The following ANK3 variants were observed in gnomAD, a reference collection of about 807,000 sequenced individuals.
ANK3 encodes the protein ankyrin-3.
In ANK3, 57 loss-of-function variants were observed where a neutral mutation model predicts 370.9. The observed-to-expected ratio is 0.15, with a 90% CI of 0.12 to 0.19. The LOEUF is 0.19. ANK3 is among the 10% of genes least tolerant of loss of function. The pLI, the probability that ANK3 is intolerant of heterozygous loss-of-function variation, is 1.00. For missense variants in ANK3, 4,439 were observed against 5,302.1 expected, an observed-to-expected ratio of 0.84 and a Z score of 5.06; for synonymous variants, 1,929 against 1,946.3, an observed-to-expected ratio of 0.99 and a Z score of 0.23.
At chr10:60,450,098 A>G (rs1284036019) in intron 2 of ANK3, among the ~76,000 whole-genome samples, 1 of 152,120 alleles carries the variant, frequency 6.6e-6, no homozygotes, top group Non-Finnish European at 1.5e-5. Flanking sequence ...GAAGTTCAAG[A>G]CCAGCCTGGG....
intron 2 of ANK3, among the ~76,000 whole-genome samples, chr10:60,548,916 C>T (rs1187441168): frequency 5.9e-5 from 9 of 152,058 alleles, no homozygotes; most frequent in Admixed American, 5.9e-4. Flanking sequence ...ACAGCTTCTG[C>T]TCACTTAATC....
intron 1 of ANK3, among the ~76,000 whole-genome samples, chr10:60,699,894 A>T (rs1176502334): frequency 6.6e-6 from 1 of 152,200 alleles, no homozygotes; most frequent in Non-Finnish European, 1.5e-5. Flanking sequence ...CAACTGTTTA[A>T]ATTCGTGATA....
At chr10:60,423,242 G>A (rs940458061) in intron 2 of ANK3, among the ~76,000 whole-genome samples, 1 of 152,074 alleles carries the variant, frequency 6.6e-6, no homozygotes, top group Admixed American at 6.6e-5. Context: ...AAACTTGCTT[G>A]TGGTCTATTT....
At chr10:60,487,784 G>A (rs1488206405) in intron 2 of ANK3, among the ~76,000 whole-genome samples, 4 of 150,384 alleles carry the variant, frequency 2.7e-5, no homozygotes, top group Non-Finnish European at 5.9e-5. Flanking sequence ...GCGCGATCTC[G>A]GCTCACCACA....
At chr10:60,709,944 A>T (rs894709604) in intron 1 of ANK3, among the ~76,000 whole-genome samples, 1 of 152,210 alleles carries the variant, frequency 6.6e-6, no homozygotes, top group Middle Eastern at 3.2e-3. Flanking sequence ...AAGATGAATC[A>T]TCTGTCTGAA....
intron 2 of ANK3, among the ~76,000 whole-genome samples, chr10:60,490,996 C>T (rs2075484415): frequency 6.6e-6 from 1 of 152,174 alleles, no homozygotes; most frequent in South Asian, 2.1e-4. Context: ...ATTAACTTTG[C>T]CTGTACTGCA....
intron 1 of ANK3, among the ~76,000 whole-genome samples, chr10:60,345,548 G>A (rs990120548): frequency 6.6e-6 from 1 of 152,078 alleles, no homozygotes; most frequent in African/African-American, 2.4e-5. Context: ...AACACAAAAT[G>A]GCTGAATTAT....
intron 16 of ANK3, among the ~76,000 whole-genome samples, chr10:60,187,126 G>A (rs1424003740): frequency 7.5e-6 from 1 of 133,804 alleles, no homozygotes; most frequent in Non-Finnish European, 1.6e-5. Context: ...ATTTAATATG[G>A]ACATTTTATT....
chr10:60,272,389 C>T (rs1566147515), intron 4 of ANK3, among the ~76,000 whole-genome samples: 1 of 152,132 alleles, frequency 6.6e-6, no homozygotes, highest in Non-Finnish European at 1.5e-5. Context: ...TCTATCTTCC[C>T]TCATCAAGTG....
At chr10:60,049,020 C>T (rs1272767831) in intron 42 of ANK3, among the ~76,000 whole-genome samples, 1 of 152,178 alleles carries the variant, frequency 6.6e-6, no homozygotes, top group Non-Finnish European at 1.5e-5. Flanking sequence ...TAGATAGCAA[C>T]ATATGGAGTA....
chr10:60,509,485 G>C (rs1261676996), intron 2 of ANK3, among the ~76,000 whole-genome samples: 1 of 152,124 alleles, frequency 6.6e-6, no homozygotes, highest in African/African-American at 2.4e-5. Context: ...CTAGAATAAA[G>C]ATATGTGTGC....
chr10:60,586,024 C>CAAAACA (rs1555394420), intron 2 of ANK3, among the ~76,000 whole-genome samples: 2 of 147,004 alleles, frequency 1.4e-5, no homozygotes, highest in African/African-American at 5.0e-5. Context: ...AACTCCGTCT[C>CAAAACA]AAAACAAAAA....
chr10:60,468,112 G>T (rs1325624942), intron 2 of ANK3, among the ~76,000 whole-genome samples: 6 of 151,194 alleles, frequency 4.0e-5, no homozygotes, highest in African/African-American at 1.5e-4. Context: ...AGCCTCCCAA[G>T]TAGCTGGGAT....
At position 60,394,891 on chromosome 10, in the gene ANK3, G is replaced by A. The variant is rs555112332; in HGVS notation, c.97-115252C>T. On this transcript the variant is annotated intron_variant, in intron 2 of 43. Coordinates refer to the ANK3 transcript ENST00000373827. ...GTGATTTGATGTGATAGGAGGGTTT[G>A]GGTGTTTGCAAATTTAAAAAAATAT... 4.8e-4 allele frequency among the ~76,000 whole-genome samples: 73 copies of A among 152,202 alleles called. 1 individual carries two copies. In the Middle Eastern group the frequency reaches 0.01, roughly 21 times the overall value.
chr10:60,468,530 T>C (rs72807911), intron 2 of ANK3, among the ~76,000 whole-genome samples: 28,371 of 152,000 alleles, frequency 0.19, 3,173 homozygotes, highest in Middle Eastern at 0.26. Context: ...ACATTTTACA[T>C]ACTGGACTCT....
intron 7 of ANK3, among the ~76,000 whole-genome samples, chr10:60,235,514 T>C (rs2097314738): frequency 6.6e-6 from 1 of 151,334 alleles, no homozygotes; most frequent in Non-Finnish European, 1.5e-5. Context: ...GTCAAGGAAA[T>C]GTACGCATAC....
intron 2 of ANK3, among the ~76,000 whole-genome samples, chr10:60,411,123 C>G (rs1462717714): frequency 6.6e-6 from 1 of 152,204 alleles, no homozygotes; most frequent in Non-Finnish European, 1.5e-5. Context: ...ACTGCAGCCT[C>G]TACACCAAGC....
chr10:60,071,689 A>C lies in ANK3; in HGVS notation c.9192T>G (p.Asp3064Glu), dbSNP rs530039382. The stretch of plus-strand genomic sequence containing the variant: ...CATCAATGGGACTGTGGTCGAATAC[A>C]TCACTAGAGGGAGATTCCTTTCCTG... ...FSPGKESPSSDVFDHSPIDGL... is the reference protein window; with the variant it reads ...FSPGKESPSSEVFDHSPIDGL... Residue 3064 changes from aspartate (D) to glutamate (E), a missense_variant, in exon 37 of 44, where the codon GAT becomes GAG. Around this residue, in one of 13 missense-constraint regions of ANK3, gnomAD observed 1,601 missense variants for 1,731.7 expected, o/e 0.92. Coordinates refer to ENST00000280772, the MANE Select transcript of ANK3 (RefSeq NM_020987.5). The C allele has an allele frequency of 1.2e-6, 2 of 1,601,356 alleles. No homozygotes were observed. Among genetic ancestry groups the C allele is most frequent in the African/African-American group, 2.7e-5 (2 of 74,280 alleles).
chr10:60,362,449 A>G (rs184900575), intron 1 of ANK3, among the ~76,000 whole-genome samples: 25 of 152,368 alleles, frequency 1.6e-4, no homozygotes, highest in Admixed American at 1.5e-3. Flanking sequence ...TCAAGAGACT[A>G]AATGGCTATC....
Sources: allele counts gnomAD v4.1 joint callset (sites outside exome capture counted in the v4.1 genomes callset), GRCh38; gene constraint gnomAD v4.1.1; regional missense constraint gnomAD v4.1.1; transcripts MANE v1.5; gene names NCBI Gene and HGNC (gene_info 2026-07-23, HGNC 2026-07-21).